Variants in ABCA12 observed in about 807,000 individuals in gnomAD.
The protein encoded by ABCA12 is ATP binding cassette subfamily A member 12, also known as glucosylceramide transporter ABCA12.
Under a neutral mutation model 293.5 loss-of-function variants are expected in ABCA12, and 156 were observed. The observed-to-expected ratio is 0.53, with a 90% CI of 0.47 to 0.61. The LOEUF (loss-of-function observed/expected upper bound fraction) is 0.61. Among genes scored for constraint, ABCA12 ranks in the 20% least tolerant of loss-of-function variants. ABCA12 has a pLI of 0.00. For synonymous variants in ABCA12, 1,063 were observed against 1,108.0 expected (o/e 0.96, Z 0.81); for missense variants, 2,797 against 3,090.2 (o/e 0.91, Z 2.25).
At chr2:214,944,269 G>A (rs1009953110) in intron 49 of ABCA12, among the ~76,000 whole-genome samples, 7 of 152,030 alleles carry the variant, frequency 4.6e-5, no homozygotes, top group Middle Eastern at 3.4e-3. Context: ...AATATTAGCC[G>A]GGCATGGTAG....
chr2:214,974,597 G>A (rs1209346175), intron 35 of ABCA12, among the ~76,000 whole-genome samples, 181 bp downstream of exon 35: 1 of 152,022 alleles, frequency 6.6e-6, no homozygotes, highest in Non-Finnish European at 1.5e-5. Flanking sequence ...AATATTGATT[G>A]GTATAGCATA....
intron 24 of ABCA12, among the ~76,000 whole-genome samples, chr2:214,989,925 G>A (rs1699877990): frequency 6.6e-6 from 1 of 152,124 alleles, no homozygotes; most frequent in Non-Finnish European, 1.5e-5. Context: ...TAATTATGGA[G>A]TAATTCAGTA....
At chr2:215,134,943 G>C (rs553869588) in intron 1 of ABCA12, among the ~76,000 whole-genome samples, 22 of 151,578 alleles carry the variant, frequency 1.5e-4, no homozygotes, top group African/African-American at 4.9e-4. Context: ...CACCTGGCCA[G>C]CATATACTTT....
At chr2:215,072,332 T>C (rs1157695169) in intron 2 of ABCA12, among the ~76,000 whole-genome samples, 1 of 152,184 alleles carries the variant, frequency 6.6e-6, no homozygotes, top group Admixed American at 6.5e-5. Flanking sequence ...TTTTTGTACC[T>C]TGAGACTCTG....
chr2:215,090,608 A>T (rs1009736043), intron 2 of ABCA12, among the ~76,000 whole-genome samples: 3 of 152,170 alleles, frequency 2.0e-5, no homozygotes, highest in Admixed American at 2.0e-4. Flanking sequence ...CAGACTCGAG[A>T]AGACAGTCTT....
chr2:214,996,141 A>C (rs983043417), intron 23 of ABCA12, among the ~76,000 whole-genome samples: 2 of 152,186 alleles, frequency 1.3e-5, no homozygotes, highest in African/African-American at 4.8e-5. Context: ...CCAAACAGAA[A>C]CTGGTTCATA....
At chr2:214,998,815 A>G (rs1164128194) in intron 22 of ABCA12, among the ~76,000 whole-genome samples, 1 of 152,126 alleles carries the variant, frequency 6.6e-6, no homozygotes, top group Non-Finnish European at 1.5e-5. Context: ...GGTTCTGACA[A>G]TTGATGCCCT....
chr2:215,095,379 T>A (rs1016149705), intron 2 of ABCA12, among the ~76,000 whole-genome samples: 3 of 152,176 alleles, frequency 2.0e-5, no homozygotes, highest in African/African-American at 7.2e-5. Context: ...GGACCTTGTG[T>A]CTTCCATTTA....
At chr2:215,052,786 C>T (rs1204926047) in intron 4 of ABCA12, among the ~76,000 whole-genome samples, 1 of 152,068 alleles carries the variant, frequency 6.6e-6, no homozygotes, top group Admixed American at 6.6e-5. Context: ...ATTGTGATGA[C>T]TTTGGTCTGT....
Position 214,948,605 on chromosome 2 carries a change from A to G in ABCA12, c.7095T>C (p.Asp2365=). 6.2e-7 allele frequency: 1 copy of G among 1,613,984 alleles called. No homozygotes were observed. Among genetic ancestry groups the G allele is most frequent in the Non-Finnish European group, 8.5e-7 (1 of 1,179,924 alleles). Reference sequence around the variant, plus strand: ...TCACACTTGTACTCACTTCTTTAATATCCTTTTCTGGAATTCCATGTACCC... The same window carrying G: ...TCACACTTGTACTCACTTCTTTAATGTCCTTTTCTGGAATTCCATGTACCC... ...YARVHGIPEK[D]IKETVHKLLR... Residue 2365 remains aspartate, a synonymous_variant, in exon 47 of 53, where the codon GAT becomes GAC. Coordinates refer to ENST00000272895, the MANE Select transcript of ABCA12 (RefSeq NM_173076.3).
At chr2:215,021,150 A>G (rs536991573) in intron 11 of ABCA12, among the ~76,000 whole-genome samples, 1 of 152,322 alleles carries the variant, frequency 6.6e-6, no homozygotes, top group Admixed American at 6.5e-5. Flanking sequence ...TGGCCAGTCG[A>G]CAATTTTTAA....
intron 2 of ABCA12, among the ~76,000 whole-genome samples, chr2:215,111,310 A>G (rs1702566132): frequency 6.6e-6 from 1 of 152,254 alleles, no homozygotes; most frequent in South Asian, 2.1e-4. Context: ...TGTGCATATC[A>G]TGGCAAGATT....
intron 19 of ABCA12, among the ~76,000 whole-genome samples, chr2:215,004,571 T>C (rs1700214716): frequency 6.6e-6 from 1 of 152,188 alleles, no homozygotes; most frequent in African/African-American, 2.4e-5. Flanking sequence ...CATTAGAAAT[T>C]TATATTCGAT....
intron 2 of ABCA12, among the ~76,000 whole-genome samples, chr2:215,090,846 C>G (rs1702128196): frequency 6.6e-6 from 1 of 152,122 alleles, no homozygotes; most frequent in Non-Finnish European, 1.5e-5. Context: ...TCCTTCTTCT[C>G]CCTTAAGGCT....
chr2:215,107,395 G>A (rs1702485047), intron 2 of ABCA12, among the ~76,000 whole-genome samples: 1 of 152,186 alleles, frequency 6.6e-6, no homozygotes, highest in Non-Finnish European at 1.5e-5. Flanking sequence ...GATTATAAGA[G>A]ATTGAAACTA....
rs992573770 is a variant in ABCA12 at position 215,010,354 on chromosome 2, C to G, written c.2449G>C (p.Val817Leu). 6.2e-7 allele frequency: 1 copy of G among 1,613,698 alleles called. No individual in the cohort carries two copies. The highest frequency in any genetic ancestry group is 1.1e-5 in the South Asian group (1 of 91,076). The stretch of plus-strand genomic sequence containing the variant: ...ACCTTTTCCATTATTGCCTTTGTGA[C>G]TGGGTTATATGGTGCATACAAAATT... ...GRILYAPYNPVTKAIMEKSNV... is the reference protein window; with the variant it reads ...GRILYAPYNPLTKAIMEKSNV... Residue 817 changes from valine to leucine, a missense_variant, in exon 18 of 53, where the codon GTC becomes CTC. Coordinates refer to ENST00000272895, the MANE Select transcript of ABCA12 (RefSeq NM_173076.3).
At position 215,061,761 on chromosome 2, in the gene ABCA12, A is replaced by C. The variant is rs575475096; in HGVS notation, c.317+2305T>G. Reference sequence around the variant, plus strand: ...AGGTAAAACTAAAATTAAGTAAAGCAGACATGATCAGCCATCTAGAGAATA... The same window carrying C: ...AGGTAAAACTAAAATTAAGTAAAGCCGACATGATCAGCCATCTAGAGAATA... On this transcript the variant is annotated intron_variant, in intron 3 of 52. Transcript: ENST00000272895. 3.9e-5 allele frequency among the ~76,000 whole-genome samples: 6 copies of C among 152,180 alleles called. No homozygotes were observed. In the South Asian group the frequency reaches 1.2e-3, roughly 32 times the overall value.
In ABCA12 at chr2:214,949,373, T is replaced by TACACACAC. The variant is rs1243088387; in HGVS notation, c.6853-225_6853-224insGTGTGTGT. 2.1e-3 allele frequency among the ~76,000 whole-genome samples: 299 copies of TACACACAC among 145,664 alleles called. 1 individual carries two copies. The highest frequency in any genetic ancestry group is 7.5e-3 in the African/African-American group (275 of 36,700). On this transcript the variant is annotated intron_variant, in intron 45 of 52. Coordinates refer to ENST00000272895, the MANE Select transcript of ABCA12 (RefSeq NM_173076.3). ...AACCATCTGAATATATATATATATATATATACACACACACACACACACACA... is the reference window on the plus strand; with the variant it reads ...AACCATCTGAATATATATATATATATACACACACATATACACACACACACACACACACA...
At chr2:215,070,880 G>A (rs12464690) in intron 2 of ABCA12, among the ~76,000 whole-genome samples, 13,711 of 151,940 alleles carry the variant, frequency 0.09, 901 homozygotes, top group East Asian at 0.35. Flanking sequence ...AAAAGACATT[G>A]GTTAAAAAAT....
Sources: allele counts gnomAD v4.1 joint callset (sites outside exome capture counted in the v4.1 genomes callset), GRCh38; gene constraint gnomAD v4.1.1; transcripts MANE v1.5; gene names NCBI Gene and HGNC (gene_info 2026-07-23, HGNC 2026-07-21).